Variants in ADGRF5 observed in about 807,000 individuals in gnomAD.
The protein encoded by ADGRF5 is adhesion G protein-coupled receptor F5.
A neutral mutation model predicts 132.3 loss-of-function variants in ADGRF5; 75 were observed. That is an observed-to-expected ratio of 0.57 (90% CI 0.47 to 0.69). The LOEUF (loss-of-function observed/expected upper bound fraction) is 0.69. ADGRF5 is among the 30% of genes least tolerant of loss of function. The pLI is 0.00. For synonymous variants in ADGRF5, 629 were observed against 597.6 expected (o/e 1.05, Z -0.77); for missense variants, 1,516 against 1,630.6 (o/e 0.93, Z 1.21).
At chr6:46,911,274 A>G (rs1775925452) in intron 1 of ADGRF5, among the ~76,000 whole-genome samples, 1 of 152,238 alleles carries the variant, frequency 6.6e-6, no homozygotes, top group Non-Finnish European at 1.5e-5. Flanking sequence ...AGCATATGTA[A>G]TAAGCATCTA....
intron 4 of ADGRF5, 25 bp downstream of exon 4, chr6:46,888,310 C>T (rs1562194986): frequency 6.5e-7 from 1 of 1,535,818 alleles, no homozygotes; most frequent in Non-Finnish European, 9.0e-7. Context: ...ATCATTTATT[C>T]TGAAGCAATG....
At chr6:46,920,281 C>A (rs1306688377) in intron 1 of ADGRF5, among the ~76,000 whole-genome samples, 1 of 152,102 alleles carries the variant, frequency 6.6e-6, no homozygotes, top group Admixed American at 6.5e-5. Context: ...CCAAAACCAA[C>A]ACAAAATAGT....
intron 10 of ADGRF5, among the ~76,000 whole-genome samples, chr6:46,877,374 TTTC>T (rs1771927892): frequency 1.7e-5 from 1 of 59,364 alleles, no homozygotes; most frequent in Non-Finnish European, 4.3e-5. Context: ...TCTTTCTTTC[TTTC>T]TTTCTTTCTT....
At chr6:46,905,919 T>C (rs552047100) in intron 2 of ADGRF5, among the ~76,000 whole-genome samples, 2 of 152,234 alleles carry the variant, frequency 1.3e-5, no homozygotes, top group South Asian at 4.1e-4. Context: ...TAAAAGGAAA[T>C]CAGTACTACT....
chr6:46,857,248 T>A (rs1769161605), intron 17 of ADGRF5, among the ~76,000 whole-genome samples: 1 of 152,234 alleles, frequency 6.6e-6, no homozygotes, highest in South Asian at 2.1e-4. Flanking sequence ...GATAACTAGT[T>A]CCTTCCAAAT....
intron 20 of ADGRF5, 108 bp from the exon 21 acceptor site, chr6:46,854,179 G>T (rs1768775153): frequency 4.2e-6 from 3 of 713,160 alleles, no homozygotes; most frequent in South Asian, 4.1e-5. Context: ...TGCCAGGTAA[G>T]CTCGGCCATG....
chr6:46,916,811 T>A (rs1776455504), intron 1 of ADGRF5, among the ~76,000 whole-genome samples: 2 of 152,266 alleles, frequency 1.3e-5, no homozygotes, highest in Non-Finnish European at 2.9e-5. Context: ...AAATGAGCTC[T>A]GTCAATTTTT....
intron 1 of ADGRF5, among the ~76,000 whole-genome samples, chr6:46,914,887 A>T (rs930210667): frequency 6.6e-6 from 1 of 151,310 alleles, no homozygotes; most frequent in Non-Finnish European, 1.5e-5. Flanking sequence ...ACGGAATCTC[A>T]CTGAGACACC....
intron 4 of ADGRF5, chr6:46,888,074 T>G: frequency 3.2e-6 from 1 of 312,754 alleles, no homozygotes; most frequent in South Asian, 5.1e-5. Context: ...TGGCCATATC[T>G]TGGGATCACT....
chr6:46,901,705 C>T (rs746286371), intron 2 of ADGRF5, among the ~76,000 whole-genome samples: 24 of 152,008 alleles, frequency 1.6e-4, no homozygotes, highest in Admixed American at 7.2e-4. Flanking sequence ...GGCACTGCAT[C>T]ATCTTATCAG....
At position 46,878,268 on chromosome 6, in the gene ADGRF5, A is replaced by T; in HGVS notation, c.1174T>A (p.Cys392Ser). 1 of 1,613,958 alleles carries T rather than the reference A, an allele frequency of 6.2e-7. No homozygotes were observed. Among genetic ancestry groups the T allele is most frequent in the Non-Finnish European group, 8.5e-7 (1 of 1,179,828 alleles). Residue 392 changes from cysteine (C) to serine (S), a missense_variant, in exon 10 of 21, where the codon TGC becomes AGC. This residue lies in a region of ADGRF5 where 945 missense variants were observed against 929.4 expected (regional missense o/e 1.02). Transcript: ENST00000283296. ...CDNNPVSLNC[C>S]SQGNVNWSKV... Reference sequence around the variant, plus strand: ...CTCCAATTAACATTACCCTGACTGCAGCAGTTCAAAGATACAGGATTGTTG... The same window carrying T: ...CTCCAATTAACATTACCCTGACTGCTGCAGTTCAAAGATACAGGATTGTTG...
At chr6:46,889,799 T>TATAC (rs1467327228) in intron 3 of ADGRF5, among the ~76,000 whole-genome samples, 67 of 141,888 alleles carry the variant, frequency 4.7e-4, no homozygotes, top group African/African-American at 1.6e-3. Context: ...TATATATATA[T>TATAC]ACATAGTTTT....
chr6:46,929,420 C>A (rs368314027), intron 1 of ADGRF5, among the ~76,000 whole-genome samples: 1 of 150,360 alleles, frequency 6.7e-6, no homozygotes, highest in Non-Finnish European at 1.5e-5. Context: ...TGTAGCACAC[C>A]AACATGACAC....
Position 46,852,937 on chromosome 6 carries a change from T to C in ADGRF5, c.*1055A>G, listed in dbSNP as rs538928744. The C allele has an allele frequency of 9.0e-4, 138 of 152,752 alleles. No individual in the cohort carries two copies. The highest frequency in any genetic ancestry group is 3.2e-3 in the African/African-American group (133 of 41,578). 9.5% of individuals were successfully genotyped at this position (152,752 alleles called of 1,614,324 possible). On this transcript the variant is annotated 3_prime_UTR_variant, in exon 21 of 21. Transcript: ENST00000283296. ...CAACAGCAATAATAATATACAATGC[T>C]ATAAGATTATTAAAATCTATTCTAT...
At position 46,878,253 on chromosome 6, in the gene ADGRF5, C is replaced by T. The variant is rs1321251889; in HGVS notation, c.1189G>A (p.Val397Ile). ...VSLNCCSQGN[V>I]NWSKVEWKQE... ...TTCCATTCTACTTTGCTCCAATTAA[C>T]ATTACCCTGACTGCAGCAGTTCAAA... The change falls in exon 10 of 21, where the codon GTT becomes ATT. Residue 397 changes from valine (V) to isoleucine (I), a missense_variant. Physicochemically the swap from Val to Ile is conservative, Grantham distance 29. Coordinates refer to ENST00000283296, the MANE Select transcript of ADGRF5 (RefSeq NM_001098518.2). 1 of 1,613,828 alleles carries T rather than the reference C, an allele frequency of 6.2e-7. No homozygotes were observed. Among genetic ancestry groups the T allele is most frequent in the East Asian group, 2.2e-5 (1 of 44,862 alleles).
chr6:46,932,554 C>A (rs1238889754), intron 1 of ADGRF5, among the ~76,000 whole-genome samples: 1 of 152,172 alleles, frequency 6.6e-6, no homozygotes, highest in Non-Finnish European at 1.5e-5. Flanking sequence ...AATAGGGGTA[C>A]AGAGCTCCCC....
intron 3 of ADGRF5, among the ~76,000 whole-genome samples, chr6:46,898,378 C>T (rs1288283734): frequency 6.6e-6 from 1 of 152,170 alleles, no homozygotes; most frequent in Non-Finnish European, 1.5e-5. Context: ...TGTCTTTGTT[C>T]CTGTCATAGA....
intron 3 of ADGRF5, among the ~76,000 whole-genome samples, chr6:46,894,008 G>T (rs1228546488): frequency 1.3e-5 from 2 of 152,196 alleles, no homozygotes; most frequent in African/African-American, 4.8e-5. Flanking sequence ...GGGAACTATG[G>T]TTTGTCAGAG....
chr6:46,889,552 A>ATATG (rs1343608889), intron 3 of ADGRF5, among the ~76,000 whole-genome samples: 1 of 124,266 alleles, frequency 8.0e-6, no homozygotes, highest in Non-Finnish European at 1.6e-5. Context: ...CTATATATAT[A>ATATG]TGTGTGTGTG....
Sources: gnomAD v4.1 joint callset for allele counts (sites outside exome capture counted in the v4.1 genomes callset) on GRCh38, gnomAD v4.1.1 for gene constraint, gnomAD v4.1.1 regional missense constraint, MANE v1.5 for transcripts, NCBI Gene and HGNC (gene_info 2026-07-23, HGNC 2026-07-21) for gene names.